The following CNNM2 variants were observed in gnomAD, a reference collection of about 807,000 sequenced individuals.
CNNM2 encodes cyclin and CBS domain divalent metal cation transport mediator 2.
Under a neutral mutation model 66.9 loss-of-function variants are expected in CNNM2, and 12 were observed. The ratio of observed to expected loss-of-function variants is 0.18; its 90% CI spans 0.11 to 0.29. The LOEUF (loss-of-function observed/expected upper bound fraction) is 0.29, where lower values mean the gene tolerates loss of function less well. CNNM2 is among the 10% of genes least tolerant of loss of function. The probability of loss-of-function intolerance (pLI) is 1.00; values close to 1 mark genes in which losing one functional copy is unlikely to be tolerated. For synonymous variants in CNNM2, 557 were observed against 501.8 expected, an observed-to-expected ratio of 1.11 and a Z score of -1.47; for missense variants, 705 against 1,167.7, an observed-to-expected ratio of 0.60 and a Z score of 5.77.
In CNNM2 at chr10:102,918,616, G is replaced by A. The variant is rs1457126679; in HGVS notation, c.136G>A (p.Gly46Arg). 2 of 1,547,734 alleles carry A rather than the reference G, an allele frequency of 1.3e-6. No individual in the cohort carries two copies. The highest frequency in any genetic ancestry group is 1.7e-6 in the Non-Finnish European group (2 of 1,148,110). Reference protein sequence around the residue: ...RGRGILQAAAGRLLPLLLLSC... With the variant: ...RGRGILQAAARRLLPLLLLSC... ...CCGGGGGATCCTGCAGGCGGCTGCG[G>A]GGCGGCTGCTGCCGCTGCTCCTGCT... Residue 46 changes from glycine (G) to arginine (R), a missense_variant, in exon 1 of 8, where the codon GGG becomes AGG. Gly to Arg is a moderately radical substitution (Grantham distance 125, BLOSUM62 -2). Around this residue, in one of 9 missense-constraint regions of CNNM2, gnomAD observed 98 missense variants for 73.6 expected, o/e 1.33. Coordinates refer to ENST00000369878, the MANE Select transcript of CNNM2 (RefSeq NM_017649.5). The surrounding 1 kb of genome is among the most constrained non-coding windows in gnomAD (Gnocchi z 4.1).
chr10:103,021,250 C>T (rs1000832332), intron 1 of CNNM2, among the ~76,000 whole-genome samples: 8 of 152,056 alleles, frequency 5.3e-5, no homozygotes, highest in African/African-American at 1.2e-4. Context: ...GCCTCCCTGA[C>T]GAAGGAGACA....
intron 3 of CNNM2, among the ~76,000 whole-genome samples, chr10:103,055,953 T>C (rs1330554659): frequency 6.6e-6 from 1 of 151,886 alleles, no homozygotes; most frequent in East Asian, 1.9e-4. Flanking sequence ...CCAGGCATGG[T>C]GGTGGGTGCC....
intron 1 of CNNM2, among the ~76,000 whole-genome samples, chr10:102,991,897 TTTA>T (rs1741407802): frequency 2.0e-5 from 3 of 152,290 alleles, no homozygotes; most frequent in Admixed American, 6.5e-5. Flanking sequence ...TAGTAAACAT[TTTA>T]TTTTTTTTCT....
chr10:102,943,879 C>T (rs1021463127), intron 1 of CNNM2, among the ~76,000 whole-genome samples: 9 of 152,068 alleles, frequency 5.9e-5, no homozygotes, highest in African/African-American at 1.9e-4. Flanking sequence ...TAGTTCTGTT[C>T]GTCTAAAACT....
chr10:103,050,636 A>G (rs1015715030), intron 2 of CNNM2, among the ~76,000 whole-genome samples: 1 of 151,468 alleles, frequency 6.6e-6, no homozygotes, highest in Non-Finnish European at 1.5e-5. Context: ...TGGAGGTGAG[A>G]TGTGCAAGTG....
Position 103,079,199 on chromosome 10 carries a change from C to G in CNNM2, c.*2019C>G, listed in dbSNP as rs1262981559. On this transcript the variant is annotated 3_prime_UTR_variant, in exon 8 of 8. Coordinates refer to ENST00000369878, the MANE Select transcript of CNNM2 (RefSeq NM_017649.5). The stretch of plus-strand genomic sequence containing the variant: ...AGTCAGTTTCTTAAGATGCCTCTCA[C>G]TGAGCACAACACCAGTGTGATGAGT... 2 of 152,232 alleles carry G rather than the reference C, an allele frequency of 1.3e-5. No homozygotes were observed. Among genetic ancestry groups the G allele is most frequent in the African/African-American group, 4.8e-5 (2 of 41,450 alleles). The allele number at this position is 152,232 out of a possible 1,614,324, so 9.4% of individuals were successfully genotyped here.
At position 103,058,960 on chromosome 10, in the gene CNNM2, T is replaced by G. The variant is rs573404443; in HGVS notation, c.2073+1996T>G. The stretch of plus-strand genomic sequence containing the variant: ...CATGATCCACTGTGGAGTTTGTTTG[T>G]TTTTTTGTTTGTTTTGTTTTTTGTT... On this transcript the variant is annotated intron_variant, in intron 4 of 7. Transcript: ENST00000369878. Among the ~76,000 whole-genome samples the G allele has an allele frequency of 2.0e-5, 3 of 152,194 alleles. No homozygotes were observed. The East Asian group carries it at 5.8e-4, about 29-fold the overall frequency.
intron 4 of CNNM2, among the ~76,000 whole-genome samples, chr10:103,058,223 GTT>G (rs200661452): frequency 6.7e-6 from 1 of 148,588 alleles, no homozygotes; most frequent in South Asian, 2.1e-4. Context: ...TTCCTCAATT[GTT>G]TTTTTTCTTT....
intron 1 of CNNM2, among the ~76,000 whole-genome samples, chr10:102,920,323 T>G: frequency 6.6e-6 from 1 of 152,284 alleles, no homozygotes; most frequent in Middle Eastern, 3.4e-3. Flanking sequence ...ATCACTTACT[T>G]TTTCCCATTA....
intron 6 of CNNM2, among the ~76,000 whole-genome samples, chr10:103,072,912 G>A (rs2134366421): frequency 6.6e-6 from 1 of 152,324 alleles, no homozygotes; most frequent in East Asian, 1.9e-4. Context: ...AATTGCTGGT[G>A]GTGTATGTAA....
At chr10:103,062,193 C>T (rs1176844434) in intron 4 of CNNM2, among the ~76,000 whole-genome samples, 1 of 152,180 alleles carries the variant, frequency 6.6e-6, no homozygotes, top group Non-Finnish European at 1.5e-5. Flanking sequence ...GTGCCCGGCC[C>T]ATCCACACTC....
At chr10:102,935,985 GT>G (rs956013694) in intron 1 of CNNM2, among the ~76,000 whole-genome samples, 10 of 148,812 alleles carry the variant, frequency 6.7e-5, no homozygotes, top group Admixed American at 2.0e-4. Context: ...ACTCTATGGT[GT>G]TTTTTTTTGT....
intron 1 of CNNM2, among the ~76,000 whole-genome samples, chr10:103,008,778 C>CAAAAA (rs35992147): frequency 1.9e-5 from 2 of 105,734 alleles, no homozygotes; most frequent in Admixed American, 1.1e-4. Flanking sequence ...GACCCTGTCT[C>CAAAAA]AAAAAAAAAA....
chr10:103,050,421 C>T (rs1451522996), intron 2 of CNNM2, among the ~76,000 whole-genome samples: 1 of 151,774 alleles, frequency 6.6e-6, no homozygotes, highest in Non-Finnish European at 1.5e-5. Context: ...CCTGTAATTC[C>T]AGCTACTCTG....
At position 103,076,628 on chromosome 10, in the gene CNNM2, G is replaced by A. The variant is rs145251739; in HGVS notation, c.2419-343G>A. 3.4e-3 allele frequency among the ~76,000 whole-genome samples: 516 copies of A among 152,308 alleles called. No individual in the cohort carries two copies. The highest frequency in any genetic ancestry group is 6.3e-3 in the Non-Finnish European group (429 of 68,032). On this transcript the variant is annotated intron_variant, in intron 7 of 7. Transcript: ENST00000369878. ...GAGGTCAGGAGACTTGGAGGGTTGC[G>A]GGGAAGGCTCCACCTCTGTCTTCTG...
In CNNM2 at chr10:103,035,928, A is replaced by G. The variant is rs372161443; in HGVS notation, c.1622-13779A>G. On this transcript the variant is annotated intron_variant, in intron 1 of 7. Coordinates refer to ENST00000369878, the MANE Select transcript of CNNM2 (RefSeq NM_017649.5). The stretch of plus-strand genomic sequence containing the variant: ...GTCTGCTGTTGTCACCGGGAAGTTC[A>G]TGGATCGAATTCTCTGGCATAGCGC... 1.4e-4 allele frequency among the ~76,000 whole-genome samples: 21 copies of G among 152,318 alleles called. 1 individual carries two copies. In the East Asian group the frequency reaches 3.3e-3, roughly 24 times the overall value.
intron 1 of CNNM2, among the ~76,000 whole-genome samples, chr10:103,015,725 C>T (rs955110717): frequency 3.9e-5 from 6 of 152,020 alleles, no homozygotes; most frequent in South Asian, 2.1e-4. Context: ...TAGTGCTGCA[C>T]GTCTGTAATC....
chr10:102,977,136 C>T (rs1004760416), intron 1 of CNNM2, among the ~76,000 whole-genome samples: 2 of 152,180 alleles, frequency 1.3e-5, no homozygotes, highest in African/African-American at 2.4e-5. Context: ...CATCTGACTG[C>T]AGAGTGGAAA....
In CNNM2 at chr10:103,024,993, T is replaced by C. The variant is rs138712334; in HGVS notation, c.1622-24714T>C. On this transcript the variant is annotated intron_variant, in intron 1 of 7. Coordinates refer to ENST00000369878, the MANE Select transcript of CNNM2 (RefSeq NM_017649.5). ...AAATATATTTTGGTGTGCAATACTT[T>C]AGGTGGTACATATGGTCTGGTTATC... Among the ~76,000 whole-genome samples, 108 of 152,368 alleles carry C rather than the reference T, an allele frequency of 7.1e-4. 1 individual carries two copies. Among genetic ancestry groups the C allele is most frequent in the African/African-American group, 2.5e-3 (105 of 41,586 alleles).
Sources: allele counts gnomAD v4.1 joint callset (sites outside exome capture counted in the v4.1 genomes callset), GRCh38; gene constraint gnomAD v4.1.1; regional missense constraint gnomAD v4.1.1; non-coding constraint Gnocchi (gnomAD v3.1); transcripts MANE v1.5; gene names NCBI Gene and HGNC (gene_info 2026-07-23, HGNC 2026-07-21).